NEGR1: variants seen among roughly 807,000 people sequenced by gnomAD.
NEGR1 encodes neuronal growth regulator 1, also known as IgLON family member 4.
A neutral mutation model predicts 40.9 loss-of-function variants in NEGR1; 10 were observed. That is an observed-to-expected ratio of 0.24 (90% CI 0.15 to 0.42). The LOEUF is 0.42. NEGR1 is among the 10% of genes least tolerant of loss of function. The pLI is 1.00. For synonymous variants in NEGR1, 185 were observed against 166.8 expected (o/e 1.11, Z -0.84); for missense variants, 352 against 438.9 (o/e 0.80, Z 1.77).
chr1:72,160,331 TG>T (rs902208435), intron 1 of NEGR1, among the ~76,000 whole-genome samples: 22 of 152,150 alleles, frequency 1.4e-4, no homozygotes, highest in African/African-American at 5.1e-4. Context: ...AGTGCCCAGG[TG>T]GGAAGGCAAA....
chr1:71,960,804 T>G (rs938803054), intron 1 of NEGR1, among the ~76,000 whole-genome samples: 1 of 152,158 alleles, frequency 6.6e-6, no homozygotes, highest in African/African-American at 2.4e-5. Flanking sequence ...TAGGTCATAG[T>G]AGTAAATTCA....
chr1:71,833,976 T>A (rs1314902034), intron 2 of NEGR1, among the ~76,000 whole-genome samples: 1 of 152,122 alleles, frequency 6.6e-6, no homozygotes, highest in Non-Finnish European at 1.5e-5. Context: ...ATTAATTGCA[T>A]AATAGTGCCA....
chr1:71,989,695 T>G (rs899574861), intron 1 of NEGR1, among the ~76,000 whole-genome samples: 1 of 152,204 alleles, frequency 6.6e-6, no homozygotes, highest in Non-Finnish European at 1.5e-5. Flanking sequence ...CCACAACTAA[T>G]TATTTCTATT....
At chr1:71,626,567 G>A (rs1361658323) in intron 4 of NEGR1, among the ~76,000 whole-genome samples, 1 of 151,850 alleles carries the variant, frequency 6.6e-6, no homozygotes, top group Non-Finnish European at 1.5e-5. Context: ...AGTATTCCAT[G>A]CTGTATAGGC....
intron 2 of NEGR1, among the ~76,000 whole-genome samples, chr1:71,868,138 T>C (rs1397847143): frequency 6.6e-6 from 1 of 152,172 alleles, no homozygotes; most frequent in East Asian, 1.9e-4. Flanking sequence ...CCATGTCTAA[T>C]CAGCAAGAAA....
At chr1:71,573,789 C>T (rs1479790517) in intron 6 of NEGR1, among the ~76,000 whole-genome samples, 1 of 152,116 alleles carries the variant, frequency 6.6e-6, no homozygotes, top group Non-Finnish European at 1.5e-5. Flanking sequence ...ACTCTCTAGA[C>T]TTTTGAAATC....
At chr1:71,498,865 T>C (rs1316003221) in intron 6 of NEGR1, among the ~76,000 whole-genome samples, 1 of 152,142 alleles carries the variant, frequency 6.6e-6, no homozygotes, top group Non-Finnish European at 1.5e-5. Flanking sequence ...GAGATAGTTG[T>C]AGGGGTGCCC....
At chr1:71,553,316 C>A (rs1320830182) in intron 6 of NEGR1, among the ~76,000 whole-genome samples, 2 of 151,512 alleles carry the variant, frequency 1.3e-5, no homozygotes, top group Non-Finnish European at 3.0e-5. Flanking sequence ...TAATTAATTG[C>A]TGAACCTGAA....
At chr1:71,871,762 T>A (rs183513247) in intron 2 of NEGR1, among the ~76,000 whole-genome samples, 24 of 152,314 alleles carry the variant, frequency 1.6e-4, no homozygotes, top group Admixed American at 1.4e-3. Context: ...ATTGTTTTTT[T>A]ATTTGTTTCA....
chr1:71,434,668 A>C lies in NEGR1; in HGVS notation c.941-27098T>G, dbSNP rs193195114. ...TGGAAGTGCGTCCAAGAAGTAAACA[A>C]AAGTCATGACATTATAAGAAAAAGT... On this transcript the variant is annotated intron_variant, in intron 6 of 6. Transcript: ENST00000357731. Among the ~76,000 whole-genome samples, 13 of 152,336 alleles carry C rather than the reference A, an allele frequency of 8.5e-5. No homozygotes were observed. The East Asian group carries it at 2.3e-3, about 27-fold the overall frequency.
intron 1 of NEGR1, among the ~76,000 whole-genome samples, chr1:72,223,744 G>A (rs935284616): frequency 6.6e-6 from 1 of 151,886 alleles, no homozygotes; most frequent in Non-Finnish European, 1.5e-5. Flanking sequence ...ATCATGATTC[G>A]GTGATCAAAT....
At chr1:72,233,861 A>T (rs1437093564) in intron 1 of NEGR1, among the ~76,000 whole-genome samples, 1 of 152,088 alleles carries the variant, frequency 6.6e-6, no homozygotes, top group Non-Finnish European at 1.5e-5. Context: ...TGGTTTGAGA[A>T]ATCTCCAAAC....
At chr1:71,501,931 A>G (rs1647001958) in intron 6 of NEGR1, among the ~76,000 whole-genome samples, 1 of 152,316 alleles carries the variant, frequency 6.6e-6, no homozygotes, top group East Asian at 1.9e-4. Flanking sequence ...ATGGAACTCT[A>G]TTGACTTTTT....
chr1:71,602,564 C>G (rs900248722), intron 5 of NEGR1, among the ~76,000 whole-genome samples: 6 of 152,180 alleles, frequency 3.9e-5, no homozygotes, highest in African/African-American at 1.4e-4. Flanking sequence ...CATGATTATT[C>G]TTAACCCCGT....
At chr1:71,802,074 G>A (rs1488888866) in intron 2 of NEGR1, among the ~76,000 whole-genome samples, 1 of 152,116 alleles carries the variant, frequency 6.6e-6, no homozygotes, top group Non-Finnish European at 1.5e-5. Flanking sequence ...ATCTGTGGAA[G>A]GTAGAGCTTA....
chr1:71,898,075 G>C (rs1029406083), intron 2 of NEGR1, among the ~76,000 whole-genome samples: 4 of 152,076 alleles, frequency 2.6e-5, no homozygotes, highest in African/African-American at 9.7e-5. Flanking sequence ...AATAATGAAA[G>C]AATACTCATT....
At position 71,757,310 on chromosome 1, in the gene NEGR1, T is replaced by G. The variant is rs181140794; in HGVS notation, c.535+18862A>C. Among the ~76,000 whole-genome samples the G allele has an allele frequency of 3.7e-4, 56 of 152,150 alleles. No individual in the cohort carries two copies. In the East Asian group the frequency reaches 9.3e-3, roughly 25 times the overall value. Reference sequence around the variant, plus strand: ...TGCTCTCCATAAAATTTTTAAAACTTTAACAGGCCAAAATTGGAAGGCATA... The same window carrying G: ...TGCTCTCCATAAAATTTTTAAAACTGTAACAGGCCAAAATTGGAAGGCATA... On this transcript the variant is annotated intron_variant, in intron 3 of 6. Coordinates refer to ENST00000357731, the MANE Select transcript of NEGR1 (RefSeq NM_173808.3).
intron 3 of NEGR1, among the ~76,000 whole-genome samples, chr1:71,773,374 C>T (rs1656395912): frequency 6.6e-6 from 1 of 152,158 alleles, no homozygotes; most frequent in African/African-American, 2.4e-5. Context: ...GCTTTTAACA[C>T]TCAACATGTT....
chr1:71,542,993 T>C (rs1211162131), intron 6 of NEGR1, among the ~76,000 whole-genome samples: 1 of 151,736 alleles, frequency 6.6e-6, no homozygotes, highest in East Asian at 2.0e-4. Flanking sequence ...TATGTGTGTG[T>C]ATGTGATATG....
Sources: gnomAD v4.1 joint callset for allele counts (sites outside exome capture counted in the v4.1 genomes callset) on GRCh38, gnomAD v4.1.1 for gene constraint, MANE v1.5 for transcripts, NCBI Gene and HGNC (gene_info 2026-07-23, HGNC 2026-07-21) for gene names.